Variants in SLC16A7 observed in about 807,000 individuals in gnomAD.
SLC16A7 encodes monocarboxylate transporter 2.
In SLC16A7, 33 loss-of-function variants were observed where a neutral mutation model predicts 34.9. The ratio of observed to expected loss-of-function variants is 0.94; its 90% CI spans 0.72 to 1.26. The LOEUF (loss-of-function observed/expected upper bound fraction) is 1.26, where lower values mean the gene tolerates loss of function less well. Among genes scored for constraint, SLC16A7 ranks in the 50% most tolerant of loss-of-function variants. The pLI, the probability that SLC16A7 is intolerant of heterozygous loss-of-function variation, is 0.00. For synonymous variants in SLC16A7, 201 were observed against 206.6 expected, an observed-to-expected ratio of 0.97 and a Z score of 0.23; for missense variants, 573 against 578.1, an observed-to-expected ratio of 0.99 and a Z score of 0.09.
rs200852575 is a variant in SLC16A7, at chr12:59,596,417, C to CAA, written c.-130+187_-130+188dup. Among the ~76,000 whole-genome samples, 17 of 152,134 alleles carry CAA rather than the reference C, an allele frequency of 1.1e-4. No homozygotes were observed. Among genetic ancestry groups the CAA allele is most frequent in the African/African-American group, 4.1e-4 (17 of 41,494 alleles). On this transcript the variant is annotated intron_variant, in intron 1 of 5. Transcript: ENST00000547379. The surrounding 1 kb of genome is among the most constrained non-coding windows in gnomAD (Gnocchi z 5.0). ...GTTGGCCAGCGAGCCCTTATATAGA[C>CAA]AAAAAAATCCCGAAGCGGCCGCGGG...
chr12:59,606,173 T>C (rs1343822476), intron 1 of SLC16A7, among the ~76,000 whole-genome samples: 1 of 152,146 alleles, frequency 6.6e-6, no homozygotes, highest in Non-Finnish European at 1.5e-5. Context: ...AATATTAAAA[T>C]AATGTGGATC....
In SLC16A7 at chr12:59,704,826, C is replaced by G. The variant is rs776014634; in HGVS notation, c.25C>G (p.Pro9Ala). 5.0e-6 allele frequency: 8 copies of G among 1,613,638 alleles called. No homozygotes were observed. The highest frequency in any genetic ancestry group is 6.8e-6 in the Non-Finnish European group (8 of 1,179,712). ...AATGCCACCAATGCCAAGTGCCCCA[C>G]CTGTGCATCCACCTCCAGATGGAGG... MPPMPSAP[P>A]VHPPPDGGWG... Residue 9 changes from proline to alanine, a missense_variant, in exon 3 of 6, where the codon CCT becomes GCT. Pro to Ala is a conservative substitution (Grantham distance 27). Transcript: ENST00000547379.
chr12:59,760,647 T>A, intron 3 of SLC16A7, among the ~76,000 whole-genome samples: 1 of 152,090 alleles, frequency 6.6e-6, no homozygotes, highest in Admixed American at 6.6e-5. Flanking sequence ...TCTGTTAACC[T>A]GATAACTAAG....
intron 1 of SLC16A7, among the ~76,000 whole-genome samples, chr12:59,652,166 G>A (rs1426109696): frequency 6.6e-6 from 1 of 151,720 alleles, no homozygotes; most frequent in Admixed American, 6.6e-5. Context: ...TATTTTTGGA[G>A]GACATTTATT....
At chr12:59,704,072 C>T (rs933827807) in intron 2 of SLC16A7, among the ~76,000 whole-genome samples, 1 of 150,614 alleles carries the variant, frequency 6.6e-6, no homozygotes, top group Non-Finnish European at 1.5e-5. Flanking sequence ...CATGGTGGCG[C>T]CTGCCTGTAA....
chr12:59,774,969 C>T lies in SLC16A7; in HGVS notation c.674C>T (p.Thr225Met), dbSNP rs774413150. 1.6e-5 allele frequency: 26 copies of T among 1,613,632 alleles called. No homozygotes were observed. Among genetic ancestry groups the T allele is most frequent in the Admixed American group, 3.3e-5 (2 of 59,928 alleles). The change falls in exon 5 of 6, where the codon ACG becomes ATG. Residue 225 changes from threonine (T) to methionine (M), a missense_variant. Thr to Met is a moderately conservative substitution (Grantham distance 81). Coordinates refer to ENST00000547379, the MANE Select transcript of SLC16A7 (RefSeq NM_001270623.2). ...GATTCAAGCCCAAAGAAAATCAAAA[C>T]GAAGAAATCAACTTGGGAAAAAGTT... ...EDDSSPKKIK[T>M]KKSTWEKVNK...
chr12:59,774,714 A>C lies in SLC16A7; in HGVS notation c.419A>C (p.Tyr140Ser). ...PALTIIGKYF[Y>S]RKRPMANGLA... ...TTAACCATAATTGGCAAATACTTCT[A>C]TAGGAAGCGACCCATGGCAAATGGA... Residue 140 changes from tyrosine (Y) to serine (S), a missense_variant, in exon 5 of 6, where the codon TAT becomes TCT. Physicochemically the swap from Tyr to Ser is moderately radical, Grantham distance 144. Coordinates refer to ENST00000547379, the MANE Select transcript of SLC16A7 (RefSeq NM_001270623.2). 1 of 1,612,148 alleles carries C rather than the reference A, an allele frequency of 6.2e-7. No homozygotes were observed. The highest frequency in any genetic ancestry group is 8.5e-7 in the Non-Finnish European group (1 of 1,179,436).
At chr12:59,757,110 G>A (rs1880450416) in intron 3 of SLC16A7, among the ~76,000 whole-genome samples, 1 of 110,474 alleles carries the variant, frequency 9.1e-6, no homozygotes, top group Non-Finnish European at 1.7e-5. Context: ...CTGTTGTGGG[G>A]TGGGGGGAGG....
chr12:59,646,290 C>A lies in SLC16A7; in HGVS notation c.-129-8862C>A, dbSNP rs562422752. ...ATTTCCTGGGCTGGGCCCAGGGCCCCCCTGCTGTGTGCAGCCTCAAGACTG... is the reference window on the plus strand; with the variant it reads ...ATTTCCTGGGCTGGGCCCAGGGCCCACCTGCTGTGTGCAGCCTCAAGACTG... On this transcript the variant is annotated intron_variant, in intron 1 of 5. Transcript: ENST00000547379. Among the ~76,000 whole-genome samples, 249 of 152,264 alleles carry A rather than the reference C, an allele frequency of 1.6e-3. 1 individual carries two copies. The highest frequency in any genetic ancestry group is 2.3e-3 in the Non-Finnish European group (158 of 68,012).
At chr12:59,672,315 TTGA>T (rs1869946707) in intron 2 of SLC16A7, among the ~76,000 whole-genome samples, 1 of 149,890 alleles carries the variant, frequency 6.7e-6, no homozygotes, top group Non-Finnish European at 1.5e-5. Context: ...TTCTCAGGTG[TTGA>T]TGAGCAACAG....
chr12:59,612,627 A>G (rs893481767), intron 1 of SLC16A7, among the ~76,000 whole-genome samples: 7 of 152,180 alleles, frequency 4.6e-5, no homozygotes, highest in African/African-American at 1.4e-4. Context: ...ATCAGGCTGC[A>G]TATTTTCCAA....
intron 1 of SLC16A7, among the ~76,000 whole-genome samples, chr12:59,634,978 G>A (rs907225767): frequency 5.9e-5 from 9 of 152,036 alleles, no homozygotes; most frequent in African/African-American, 2.2e-4. Flanking sequence ...ATGCACTTGA[G>A]AATGCAACTA....
intron 2 of SLC16A7, among the ~76,000 whole-genome samples, chr12:59,676,461 A>G (rs1181465935): frequency 1.3e-5 from 2 of 152,032 alleles, no homozygotes; most frequent in Non-Finnish European, 2.9e-5. Flanking sequence ...ACAGCAAACT[A>G]TTACTCACAT....
At chr12:59,703,399 T>C (rs1840619053) in intron 2 of SLC16A7, among the ~76,000 whole-genome samples, 3 of 152,094 alleles carry the variant, frequency 2.0e-5, no homozygotes, top group African/African-American at 7.2e-5. Flanking sequence ...AAAGAGTAAT[T>C]TGAGACTGCT....
chr12:59,675,725 A>T (rs1870254668), intron 2 of SLC16A7, among the ~76,000 whole-genome samples: 2 of 152,164 alleles, frequency 1.3e-5, no homozygotes, highest in Non-Finnish European at 2.9e-5. Context: ...CTGTGTAGGG[A>T]TTATACATTA....
At chr12:59,741,446 G>A (rs924877403) in intron 3 of SLC16A7, among the ~76,000 whole-genome samples, 15 of 152,142 alleles carry the variant, frequency 9.9e-5, no homozygotes, top group African/African-American at 3.6e-4. Context: ...GTTAGTCTTA[G>A]GAATAACAGG....
rs910807605 is a variant in SLC16A7, at chr12:59,783,119, T to C, written c.*3440T>C. On this transcript the variant is annotated 3_prime_UTR_variant, in exon 6 of 6. Coordinates refer to ENST00000547379, the MANE Select transcript of SLC16A7 (RefSeq NM_001270623.2). ...TAGATGACATAAATATGAAGAGATA[T>C]TCTTGGTCAGTTGGTTGAAACATTT... 1 of 152,180 alleles carries C rather than the reference T, an allele frequency of 6.6e-6. No homozygotes were observed. The highest frequency in any genetic ancestry group is 1.5e-5 in the Non-Finnish European group (1 of 68,032). 9.4% of individuals were successfully genotyped at this position (152,180 alleles called of 1,614,324 possible).
In SLC16A7 at chr12:59,779,897, G is replaced by A. The variant is rs965164436; in HGVS notation, c.*218G>A. 3 of 443,804 alleles carry A rather than the reference G, an allele frequency of 6.8e-6. No homozygotes were observed. In the Admixed American group the frequency reaches 1.2e-4, roughly 18 times the overall value. 27.5% of individuals were successfully genotyped at this position (443,804 alleles called of 1,614,324 possible). A position where few individuals can be genotyped will look rare whatever the true frequency, so the allele number is the denominator to read the frequency against. Reference sequence around the variant, plus strand: ...GAGATTATGCATAGAAAGAATCCATGCTATAGGTTTATTTCCATACCTGAC... The same window carrying A: ...GAGATTATGCATAGAAAGAATCCATACTATAGGTTTATTTCCATACCTGAC... On this transcript the variant is annotated 3_prime_UTR_variant, in exon 6 of 6. Transcript: ENST00000547379.
rs535533444 is a variant in SLC16A7, at chr12:59,630,519, A to G, written c.-129-24633A>G. 5.3e-5 allele frequency among the ~76,000 whole-genome samples: 8 copies of G among 152,046 alleles called. No individual in the cohort carries two copies. In the South Asian group the frequency reaches 1.7e-3, roughly 32 times the overall value. On this transcript the variant is annotated intron_variant, in intron 1 of 5. Transcript: ENST00000547379. The stretch of plus-strand genomic sequence containing the variant: ...TACAAGTATTGAATGAAACACATAC[A>G]GAAATTACTTGGCTCATCCTCAGAG...
Sources: gnomAD v4.1 joint callset for allele counts (sites outside exome capture counted in the v4.1 genomes callset) on GRCh38, gnomAD v4.1.1 for gene constraint, Gnocchi (gnomAD v3.1) non-coding constraint, MANE v1.5 for transcripts, NCBI Gene and HGNC (gene_info 2026-07-23, HGNC 2026-07-21) for gene names.